Variants in MTM1 observed in about 807,000 individuals in gnomAD.
The protein encoded by MTM1 is myotubularin.
MTM1 carries 9 observed loss-of-function variants against 52.1 expected under a neutral mutation model. The observed-to-expected ratio is 0.17, with a 90% CI of 0.10 to 0.30. MTM1 has a LOEUF of 0.30. Ranked by LOEUF, MTM1 falls within the 10% of genes least tolerant of loss-of-function variation. The pLI, the probability that MTM1 is intolerant of heterozygous loss-of-function variation, is 1.00. For missense variants in MTM1, 277 were observed against 470.7 expected, an observed-to-expected ratio of 0.59 and a Z score of 3.81; for synonymous variants, 136 against 163.8, an observed-to-expected ratio of 0.83 and a Z score of 1.29.
At chrX:150,583,362 TA>T (rs1169241156) in intron 1 of MTM1, among the ~76,000 whole-genome samples, 4 of 27,147 alleles carry the variant, frequency 1.5e-4, no homozygotes, top group African/African-American at 2.0e-4. Context: ...TAAATATATA[TA>T]AATTATATAT....
intron 10 of MTM1, among the ~76,000 whole-genome samples, chrX:150,652,670 C>T (rs995994289): frequency 0.012 from 652 of 56,221 alleles, 4 homozygotes; most frequent in African/African-American, 0.076. Flanking sequence ...CACACACACA[C>T]ACACACACAC....
intron 1 of MTM1, among the ~76,000 whole-genome samples, chrX:150,584,549 G>A (rs781782909): frequency 7.2e-5 from 8 of 111,181 alleles, no homozygotes; most frequent in Non-Finnish European, 1.5e-4. Context: ...GTTTCTTCAC[G>A]GAATACTGAG....
At chrX:150,657,136 G>A (rs1352023633) in intron 10 of MTM1, among the ~76,000 whole-genome samples, 3 of 110,128 alleles carry the variant, frequency 2.7e-5, no homozygotes, top group Non-Finnish European at 3.8e-5. Flanking sequence ...TATACCCAAA[G>A]GATTATAAAT....
At position 150,659,897 on chromosome X, in the gene MTM1, G is replaced by A. The variant is rs1194123718; in HGVS notation, c.1353+141G>A. 10 of 514,406 alleles carry A rather than the reference G, an allele frequency of 1.9e-5. No homozygotes were observed. The Admixed American group carries it at 2.9e-4, about 15-fold the overall frequency. The allele number at this position is 514,406 out of a possible 1,213,427, so 42.4% of individuals were successfully genotyped here. ...GACTGGGCATGTGTGAATACTTGCAGAAGCCAGGTACATGAGCGTTCACCT... is the reference window on the plus strand; with the variant it reads ...GACTGGGCATGTGTGAATACTTGCAAAAGCCAGGTACATGAGCGTTCACCT... On this transcript the variant is annotated intron_variant, in intron 12 of 14. Coordinates refer to ENST00000370396, the MANE Select transcript of MTM1 (RefSeq NM_000252.3).
At chrX:150,593,565 T>C (rs2038923610) in intron 2 of MTM1, among the ~76,000 whole-genome samples, 1 of 111,908 alleles carries the variant, frequency 8.9e-6, no homozygotes, top group South Asian at 3.7e-4. Context: ...AAGGCTAATT[T>C]ATACTCCCAC....
rs187761628 is a variant in MTM1 at position 150,661,311 on chromosome X, A to G, written c.1467+827A>G. ...AGTGCTGGGATTGCAGGTGTGAACC[A>G]CTGCGCCCAGCCTGGCGATCAGATT... On this transcript the variant is annotated intron_variant, in intron 13 of 14. Transcript: ENST00000370396. 2.2e-3 allele frequency among the ~76,000 whole-genome samples: 241 copies of G among 111,844 alleles called. 3 individuals carry two copies. Among genetic ancestry groups the G allele is most frequent in the Middle Eastern group, 0.018 (4 of 217 alleles).
At chrX:150,577,601 T>G (rs2038495739) in intron 1 of MTM1, among the ~76,000 whole-genome samples, 1 of 112,416 alleles carries the variant, frequency 8.9e-6, no homozygotes, top group Non-Finnish European at 1.9e-5. Flanking sequence ...TGCTGAAATC[T>G]TTTGCCCATT....
intron 7 of MTM1, among the ~76,000 whole-genome samples, chrX:150,639,549 A>G (rs1557413806): frequency 8.9e-6 from 1 of 112,353 alleles, no homozygotes; most frequent in Non-Finnish European, 1.9e-5. Flanking sequence ...TCTTATATGA[A>G]TGTCACCTAC....
chrX:150,659,429 A>T (rs1303994613), intron 11 of MTM1, among the ~76,000 whole-genome samples: 1 of 111,825 alleles, frequency 8.9e-6, no homozygotes, highest in Non-Finnish European at 1.9e-5. Flanking sequence ...ATCACCTAGG[A>T]TGATGATTCT....
chrX:150,610,433 GA>G (rs782117225), intron 4 of MTM1, among the ~76,000 whole-genome samples: 11 of 111,844 alleles, frequency 9.8e-5, no homozygotes, highest in Non-Finnish European at 1.9e-4. Context: ...GAGAAAGAAA[GA>G]ATGCATTATT....
At chrX:150,623,617 A>T (rs1203548513) in intron 6 of MTM1, among the ~76,000 whole-genome samples, 12 of 110,613 alleles carry the variant, frequency 1.1e-4, no homozygotes, top group Non-Finnish European at 2.3e-4. Flanking sequence ...GAGAGAAGGG[A>T]TCTTTTCTTG....
chrX:150,649,432 A>C (rs2039984792), intron 9 of MTM1, among the ~76,000 whole-genome samples: 1 of 112,331 alleles, frequency 8.9e-6, no homozygotes, highest in Admixed American at 9.4e-5. Flanking sequence ...GCCTTTCCAG[A>C]TCCGGAAGAA....
intron 14 of MTM1, 34 bp from the exon 15 acceptor site, chrX:150,671,394 A>C (rs782153380): frequency 1.7e-6 from 2 of 1,209,416 alleles, no homozygotes; most frequent in Non-Finnish European, 2.2e-6. Flanking sequence ...CGTGCGTGGC[A>C]TAAAGTGTAA....
intron 9 of MTM1, among the ~76,000 whole-genome samples, chrX:150,647,351 A>G (rs2039953146): frequency 9.0e-6 from 1 of 110,538 alleles, no homozygotes; most frequent in Non-Finnish European, 1.9e-5. Context: ...CATTCCAGCA[A>G]CAGAATTCCT....
At chrX:150,640,391 G>A (rs2039828976) in intron 7 of MTM1, among the ~76,000 whole-genome samples, 1 of 110,945 alleles carries the variant, frequency 9.0e-6, no homozygotes, top group African/African-American at 3.3e-5. Context: ...CTGTCTAATT[G>A]GACTCAGCAT....
intron 4 of MTM1, among the ~76,000 whole-genome samples, chrX:150,601,609 C>T (rs2039068401): frequency 8.9e-6 from 1 of 111,919 alleles, no homozygotes; most frequent in Non-Finnish European, 1.9e-5. Flanking sequence ...GATTCCCTGC[C>T]TCCTGTTGCC....
intron 6 of MTM1, among the ~76,000 whole-genome samples, chrX:150,635,807 A>C (rs889163692): frequency 7.1e-5 from 8 of 112,137 alleles, no homozygotes; most frequent in South Asian, 7.4e-4. Context: ...GCTTATGGAA[A>C]ACTTAGTTTT....
intron 1 of MTM1, among the ~76,000 whole-genome samples, chrX:150,583,264 A>T (rs1462290086): frequency 4.7e-5 from 3 of 63,462 alleles, no homozygotes; most frequent in Admixed American, 2.9e-4. Flanking sequence ...AATTTATATA[A>T]ATTATATATA....
intron 6 of MTM1, among the ~76,000 whole-genome samples, chrX:150,633,914 AG>A (rs1282133367): frequency 1.2e-4 from 13 of 112,323 alleles, no homozygotes; most frequent in African/African-American, 4.2e-4. Flanking sequence ...GTGTGCCTGT[AG>A]TCCCAGCTAC....
Sources: allele counts gnomAD v4.1 joint callset (sites outside exome capture counted in the v4.1 genomes callset), GRCh38; gene constraint gnomAD v4.1.1; transcripts MANE v1.5; gene names NCBI Gene and HGNC (gene_info 2026-07-23, HGNC 2026-07-21).